Variants in ASB5 observed in about 807,000 individuals in gnomAD.
The protein encoded by ASB5 is ankyrin repeat and SOCS box protein 5.
ASB5 carries 45 observed loss-of-function variants against 42.1 expected under a neutral mutation model. That is an observed-to-expected ratio of 1.07 (90% CI 0.84 to 1.37). The LOEUF (loss-of-function observed/expected upper bound fraction) is 1.37. ASB5 is among the 40% of genes most tolerant of loss of function. ASB5 has a pLI of 0.00. For synonymous variants in ASB5, 147 were observed against 150.6 expected (o/e 0.98, Z 0.18); for missense variants, 402 against 399.8 (o/e 1.01, Z -0.05).
intron 1 of ASB5, among the ~76,000 whole-genome samples, chr4:176,253,569 A>AAT (rs1197371879): frequency 1.3e-5 from 2 of 152,222 alleles, no homozygotes; most frequent in Non-Finnish European, 2.9e-5. Context: ...AAAGAAATAA[A>AAT]AGGCATCCAA....
chr4:176,274,749 T>A (rs1754535083), intron 2 of ASB5, among the ~76,000 whole-genome samples: 1 of 152,096 alleles, frequency 6.6e-6, no homozygotes. Context: ...CTTCTATGAT[T>A]AAGAATTTGT....
chr4:176,229,773 C>T (rs1414086041), intron 1 of ASB5, among the ~76,000 whole-genome samples: 1 of 152,116 alleles, frequency 6.6e-6, no homozygotes, highest in African/African-American at 2.4e-5. Context: ...ATGTCATTGT[C>T]ATTCTCAGAA....
Position 176,268,982 on chromosome 4 carries a change from T to A in ASB5, c.127A>T (p.Ile43Leu). 2 of 1,613,598 alleles carry A rather than the reference T, an allele frequency of 1.2e-6. No homozygotes were observed. The highest frequency in any genetic ancestry group is 1.7e-6 in the Non-Finnish European group (2 of 1,179,706). The change falls in exon 1 of 7, where the codon ATA (isoleucine) becomes TTA (leucine). Residue 43 changes from isoleucine to leucine, a missense_variant. By Grantham distance (5) the Ile-to-Leu change is conservative. Coordinates refer to ENST00000296525, the MANE Select transcript of ASB5 (RefSeq NM_080874.4). ...GCTTCCTTGCGGTTGCCTTTCACTA[T>A]GTAGAAATGACTGAGGATGGCAAGG... ...ISLAILSHFYIVKGNRKEAAR... is the reference protein window; with the variant it reads ...ISLAILSHFYLVKGNRKEAAR...
At chr4:176,235,983 G>A (rs1466906471) in intron 1 of ASB5, among the ~76,000 whole-genome samples, 1 of 151,806 alleles carries the variant, frequency 6.6e-6, no homozygotes, top group Non-Finnish European at 1.5e-5. Flanking sequence ...CTGAGTCACT[G>A]GAATAACAGG....
At chr4:176,226,838 G>C (rs1160396567) in intron 1 of ASB5, among the ~76,000 whole-genome samples, 1 of 152,198 alleles carries the variant, frequency 6.6e-6, no homozygotes. Flanking sequence ...CGGTGTAGGG[G>C]CTGCAACATG....
intron 2 of ASB5, among the ~76,000 whole-genome samples, chr4:176,222,645 C>T (rs1052693633): frequency 1.3e-5 from 2 of 152,170 alleles, no homozygotes; most frequent in Non-Finnish European, 2.9e-5. Flanking sequence ...CCAATAATGC[C>T]TTAAGTATTT....
chr4:176,258,391 C>CT (rs1754196606), intron 1 of ASB5, among the ~76,000 whole-genome samples: 1 of 152,134 alleles, frequency 6.6e-6, no homozygotes, highest in South Asian at 2.1e-4. Flanking sequence ...TCCATATTCT[C>CT]TTTTTTTAAG....
chr4:176,241,927 A>G (rs573549573), intron 1 of ASB5, among the ~76,000 whole-genome samples: 26 of 152,142 alleles, frequency 1.7e-4, no homozygotes, highest in Non-Finnish European at 3.2e-4. Context: ...TTTGTCCTCA[A>G]TGACGTAGAT....
At chr4:176,218,429 A>G (rs1219497373) in intron 5 of ASB5, among the ~76,000 whole-genome samples, 2 of 127,192 alleles carry the variant, frequency 1.6e-5, no homozygotes, top group Non-Finnish European at 3.1e-5. Context: ...ATATATTTGT[A>G]TGATATATAA....
chr4:176,238,206 C>CAA (rs3060874), intron 1 of ASB5, among the ~76,000 whole-genome samples: 16,949 of 100,920 alleles, frequency 0.17, 1,880 homozygotes, highest in Non-Finnish European at 0.23. Context: ...GACTCCGTCT[C>CAA]AAAAAAAAAA....
chr4:176,245,987 G>A (rs569161842), intron 1 of ASB5, among the ~76,000 whole-genome samples: 16 of 151,896 alleles, frequency 1.1e-4, no homozygotes, highest in African/African-American at 3.6e-4. Flanking sequence ...CATGGCACTT[G>A]TATACATATG....
At chr4:176,258,050 T>C (rs976757116) in intron 1 of ASB5, among the ~76,000 whole-genome samples, 38 of 152,236 alleles carry the variant, frequency 2.5e-4, no homozygotes, top group African/African-American at 8.2e-4. Context: ...TTAATGTTAC[T>C]ATCTTTTCCT....
chr4:176,219,594 A>G lies in ASB5; in HGVS notation c.670+1561T>C, dbSNP rs1159901586. On this transcript the variant is annotated intron_variant, in intron 5 of 6. Coordinates refer to ENST00000296525, the MANE Select transcript of ASB5 (RefSeq NM_080874.4). ...TTGTATGATATATATATATATATATATATATATATATATATATATATATAG... is the reference window on the plus strand; with the variant it reads ...TTGTATGATATATATATATATATATGTATATATATATATATATATATATAG... Among the ~76,000 whole-genome samples, 10 of 73,878 alleles carry G rather than the reference A, an allele frequency of 1.4e-4. 3 individuals carry two copies. Among genetic ancestry groups the G allele is most frequent in the Non-Finnish European group, 2.5e-4 (8 of 31,416 alleles). 48.5% of individuals were successfully genotyped at this position (73,878 alleles called of 152,430 possible). A position where few individuals can be genotyped will look rare whatever the true frequency, so the allele number is the denominator to read the frequency against.
chr4:176,266,980 G>A (rs2126979512), intron 1 of ASB5, among the ~76,000 whole-genome samples: 1 of 152,236 alleles, frequency 6.6e-6, no homozygotes, highest in South Asian at 2.1e-4. Flanking sequence ...GGGGATGAGT[G>A]TTTCTTTTTA....
chr4:176,238,839 AG>A, intron 1 of ASB5, among the ~76,000 whole-genome samples: 1 of 152,184 alleles, frequency 6.6e-6, no homozygotes, highest in Non-Finnish European at 1.5e-5. Context: ...GTTTACCTCA[AG>A]TTATCGCTAA....
rs71597433 is a variant in ASB5 at position 176,219,575 on chromosome 4, GATATATATATATATATATATATATATAT to G, written c.670+1552_670+1579del. On this transcript the variant is annotated intron_variant, in intron 5 of 6. Coordinates refer to ENST00000296525, the MANE Select transcript of ASB5 (RefSeq NM_080874.4). ...TATATAAATATGTATATATTTGTATGATATATATATATATATATATATATATATATATATATATATATAGGCTGGAGTA... is the reference window on the plus strand; with the variant it reads ...TATATAAATATGTATATATTTGTATGATATATATATATATAGGCTGGAGTA... Among the ~76,000 whole-genome samples, 4 of 6,006 alleles carry G rather than the reference GATATATATATATATATATATATATATAT, an allele frequency of 6.7e-4. No homozygotes were observed. The East Asian group carries it at 0.01, about 15-fold the overall frequency. The allele number at this position is 6,006 out of a possible 152,430, so 3.9% of individuals were successfully genotyped here.
intron 5 of ASB5, among the ~76,000 whole-genome samples, chr4:176,220,802 C>T (rs1753182030): frequency 6.6e-6 from 1 of 152,142 alleles, no homozygotes; most frequent in Non-Finnish European, 1.5e-5. Flanking sequence ...TGTTCCAAGA[C>T]ATATACATAC....
rs1426964891 is a variant in ASB5 at position 176,221,294 on chromosome 4, C to A, written c.536-5G>T. On this transcript the variant is annotated splice_region_variant and splice_polypyrimidine_tract_variant and intron_variant, in intron 4 of 6. Transcript: ENST00000296525. ...TGTCAAGACATTCATGGTGACCTGC[C>A]AACACAAAGTAGAGGAGTTTAACTT... is the stretch of plus-strand genomic sequence containing the variant. 6.2e-7 allele frequency: 1 copy of A among 1,613,660 alleles called. No individual in the cohort carries two copies. Among genetic ancestry groups the A allele is most frequent in the Non-Finnish European group, 8.5e-7 (1 of 1,179,816 alleles).
At chr4:176,237,609 T>G in intron 1 of ASB5, 1 of 980,500 alleles carries the variant, frequency 1.0e-6, no homozygotes, top group Non-Finnish European at 1.2e-6. Context: ...TCAGGGCTGG[T>G]AGGTGCAATG....
Sources: allele counts gnomAD v4.1 joint callset (sites outside exome capture counted in the v4.1 genomes callset), GRCh38; gene constraint gnomAD v4.1.1; transcripts MANE v1.5; gene names NCBI Gene and HGNC (gene_info 2026-07-23, HGNC 2026-07-21).